Variants in SYNE2 observed in about 807,000 individuals in gnomAD.
SYNE2 encodes nesprin-2.
SYNE2 carries 431 observed loss-of-function variants against 856.3 expected under a neutral mutation model. The ratio of observed to expected loss-of-function variants is 0.50; its 90% confidence interval spans 0.47 to 0.55. The LOEUF is 0.55. SYNE2 is among the 20% of genes least tolerant of loss of function. SYNE2 has a pLI of 0.00. For synonymous variants in SYNE2, 2,923 were observed against 2,872.3 expected (o/e 1.02, Z -0.56); for missense variants, 8,129 against 8,023.2 (o/e 1.01, Z -0.50).
Position 64,223,326 on chromosome 14 carries a change from CA to C in SYNE2, c.20331del (p.Lys6777AsnfsTer11). On this transcript the variant is annotated frameshift_variant, in exon 113 of 116. Coordinates refer to ENST00000555002, the MANE Select transcript of SYNE2 (RefSeq NM_182914.3). LOFTEE classifies it high-confidence loss of function. ...EKVHVIEKKLKQLREQVSQDL... is the reference protein window; with the variant it reads ...EKVHVIEKKLXQLREQVSQDL... ...AGGTGCATGTTATTGAGAAGAAACT[CA>C]AACAGTTACGGGAGCAAGTGTCCCA... The C allele has an allele frequency of 6.2e-7, 1 of 1,614,140 alleles. No individual in the cohort carries two copies. Among genetic ancestry groups the C allele is most frequent in the Non-Finnish European group, 8.5e-7 (1 of 1,180,016 alleles).
intron 99 of SYNE2, among the ~76,000 whole-genome samples, chr14:64,191,801 T>C (rs765690160): frequency 2.0e-5 from 3 of 152,310 alleles, no homozygotes; most frequent in Middle Eastern, 6.8e-3. Flanking sequence ...CAGAAATGCA[T>C]GATGGAAACC....
intron 33 of SYNE2, 103 bp from the exon 34 acceptor site, chr14:64,017,492 A>G: frequency 1.0e-6 from 1 of 963,592 alleles, no homozygotes; most frequent in South Asian, 1.4e-5. Flanking sequence ...ATTATCCAGT[A>G]ATAGTAAACT....
At chr14:63,905,466 C>G (rs2095396442) in intron 1 of SYNE2, among the ~76,000 whole-genome samples, 1 of 152,148 alleles carries the variant, frequency 6.6e-6, no homozygotes, top group Non-Finnish European at 1.5e-5. Flanking sequence ...TTATTTGTCT[C>G]ATCTCTGATT....
chr14:63,932,337 G>A (rs866612571), intron 2 of SYNE2, among the ~76,000 whole-genome samples: 5 of 152,144 alleles, frequency 3.3e-5, no homozygotes, highest in African/African-American at 4.8e-5. Context: ...AGCCGAGATC[G>A]TGCCATTGCA....
At chr14:63,804,659 A>G (rs1045892741) in intron 1 of SYNE2, among the ~76,000 whole-genome samples, 3 of 152,072 alleles carry the variant, frequency 2.0e-5, no homozygotes, top group Non-Finnish European at 4.4e-5. Flanking sequence ...ATGCCCAGCT[A>G]ACTTTGTATT....
chr14:63,881,656 C>T (rs970084400), intron 1 of SYNE2, among the ~76,000 whole-genome samples: 32 of 149,280 alleles, frequency 2.1e-4, no homozygotes, highest in Admixed American at 5.3e-4. Flanking sequence ...GAAAAAAAAC[C>T]CAAATTAATT....
intron 21 of SYNE2, among the ~76,000 whole-genome samples, chr14:63,991,962 T>C (rs1217666953): frequency 6.6e-6 from 1 of 152,098 alleles, no homozygotes; most frequent in African/African-American, 2.4e-5. Flanking sequence ...GCCTCAACCC[T>C]GTTTTGGCCT....
intron 52 of SYNE2, among the ~76,000 whole-genome samples, chr14:64,073,450 G>C (rs1595332578): frequency 6.6e-6 from 1 of 152,254 alleles, no homozygotes; most frequent in East Asian, 1.9e-4. Context: ...CTCTGTCTCA[G>C]GAACTACAGC....
intron 76 of SYNE2, 90 bp from the exon 77 acceptor site, chr14:64,132,175 A>T (rs1278185477): frequency 1.3e-5 from 20 of 1,493,022 alleles, no homozygotes; most frequent in Non-Finnish European, 1.8e-5. Context: ...GATTTAAAAC[A>T]AAAATAACTG....
At chr14:64,196,436 A>G (rs924160688) in intron 99 of SYNE2, among the ~76,000 whole-genome samples, 20 of 152,176 alleles carry the variant, frequency 1.3e-4, no homozygotes, top group African/African-American at 3.9e-4. Context: ...CCTCTGCAAT[A>G]AATTCCCTTT....
At chr14:64,047,328 C>T (rs534057832) in intron 45 of SYNE2, among the ~76,000 whole-genome samples, 2 of 151,440 alleles carry the variant, frequency 1.3e-5, no homozygotes, top group Non-Finnish European at 3.0e-5. Flanking sequence ...AAGGTTAAAG[C>T]GAAGACACCA....
upstream of SYNE2, among the ~76,000 whole-genome samples, chr14:63,761,743 T>G (rs1886489260): frequency 6.6e-6 from 1 of 152,214 alleles, no homozygotes. Flanking sequence ...AGAATGAGCC[T>G]CCTCCTTCTG....
intron 45 of SYNE2, among the ~76,000 whole-genome samples, chr14:64,047,683 C>A (rs571972513): frequency 2.0e-5 from 3 of 152,282 alleles, no homozygotes; most frequent in Non-Finnish European, 2.9e-5. Context: ...CCCACTGTAT[C>A]CTGGTGAACA....
intron 74 of SYNE2, 53 bp downstream of exon 74, chr14:64,128,606 G>A: frequency 9.0e-7 from 1 of 1,106,834 alleles, no homozygotes; most frequent in South Asian, 1.2e-5. Flanking sequence ...ACAGAGCTTT[G>A]CATATAAGCC....
intron 1 of SYNE2, among the ~76,000 whole-genome samples, chr14:63,899,295 G>T (rs1300655972): frequency 6.6e-6 from 1 of 151,946 alleles, no homozygotes; most frequent in Admixed American, 6.6e-5. Flanking sequence ...TCCGCCTCCT[G>T]GGTTCAAGCA....
At chr14:63,965,288 A>G (rs2096375762) in intron 10 of SYNE2, among the ~76,000 whole-genome samples, 1 of 152,160 alleles carries the variant, frequency 6.6e-6, no homozygotes. Context: ...TATGTAGCAG[A>G]TACCTTGCTG....
chr14:63,957,639 C>T (rs536444712), intron 8 of SYNE2, among the ~76,000 whole-genome samples: 16 of 151,854 alleles, frequency 1.1e-4, no homozygotes, highest in Admixed American at 7.2e-4. Context: ...GAGTCTGAGG[C>T]GGGCGGATCA....
At position 64,210,739 on chromosome 14, in the gene SYNE2, GAC is replaced by G. The variant is rs2098636250; in HGVS notation, c.18723+619_18723+620del. Among the ~76,000 whole-genome samples the G allele has an allele frequency of 1.3e-5, 2 of 152,230 alleles. 1 individual carries two copies. Among genetic ancestry groups the G allele is most frequent in the South Asian group, 4.1e-4 (2 of 4,828 alleles). ...GGACTGTCACAGGCAGGGACTACAG[GAC>G]ACAATTTTAATTTCTGCGTCTGTTC... On this transcript the variant is annotated intron_variant, in intron 103 of 115. Coordinates refer to ENST00000555002, the MANE Select transcript of SYNE2 (RefSeq NM_182914.3).
intron 99 of SYNE2, among the ~76,000 whole-genome samples, chr14:64,194,866 G>A (rs1388569105): frequency 6.6e-6 from 1 of 152,198 alleles, no homozygotes; most frequent in Non-Finnish European, 1.5e-5. Flanking sequence ...TGATGCCAGA[G>A]AAGGAGTTGA....
Sources: allele counts gnomAD v4.1 joint callset (sites outside exome capture counted in the v4.1 genomes callset), GRCh38; gene constraint gnomAD v4.1.1; transcripts MANE v1.5; gene names NCBI Gene and HGNC (gene_info 2026-07-23, HGNC 2026-07-21).